The following CLCA2 variants were observed in gnomAD, a reference collection of about 807,000 sequenced individuals.
The protein encoded by CLCA2 is calcium-activated chloride channel regulator 2.
Under a neutral mutation model 82.9 loss-of-function variants are expected in CLCA2, and 85 were observed. That is an observed-to-expected ratio of 1.03 (90% CI 0.86 to 1.23). CLCA2 has a LOEUF of 1.23. Among genes scored for constraint, CLCA2 ranks in the 50% most tolerant of loss-of-function variants. CLCA2 has a pLI of 0.00. For synonymous variants in CLCA2, 421 were observed against 391.7 expected (o/e 1.07, Z -0.88); for missense variants, 1,089 against 1,124.8 (o/e 0.97, Z 0.45).
chr1:86,431,034 A>C, intron 4 of CLCA2, 64 bp downstream of exon 4: 2 of 1,181,484 alleles, frequency 1.7e-6, no homozygotes, highest in Non-Finnish European at 2.4e-6. Flanking sequence ...TTATAACTTA[A>C]GCAATTAAAT....
In CLCA2 at chr1:86,424,194, G is replaced by T. The variant is rs777667896; in HGVS notation, c.-54G>T. On this transcript the variant is annotated 5_prime_UTR_variant, in exon 1 of 14. Coordinates refer to ENST00000370565, the MANE Select transcript of CLCA2 (RefSeq NM_006536.7). ...CCATCTGCATCCATATTGAAAACCT[G>T]ACACAATGTATGCAGCAGGCTCAGT... The T allele has an allele frequency of 2.0e-6, 3 of 1,515,116 alleles. No homozygotes were observed. Among genetic ancestry groups the T allele is most frequent in the Non-Finnish European group, 2.7e-6 (3 of 1,121,590 alleles). 93.9% of individuals were successfully genotyped at this position (1,515,116 alleles called of 1,614,324 possible). A position where few individuals can be genotyped will look rare whatever the true frequency, so the allele number is the denominator to read the frequency against.
rs762464090 is a variant in CLCA2, at chr1:86,450,637, T to C, written c.2059T>C (p.Leu687=). The part of the protein sequence containing the change: ...FSFAANGRYS[L]KVHVNHSPSI... ...CTTTGCTGCAAATGGTAGATATAGC[T>C]TGAAAGTGCATGTCAATCACTCTCC... The change falls in exon 12 of 14, where the codon TTG becomes CTG. Residue 687 remains leucine (L), a synonymous_variant. Coordinates refer to ENST00000370565, the MANE Select transcript of CLCA2 (RefSeq NM_006536.7). The C allele has an allele frequency of 3.1e-6, 5 of 1,613,476 alleles. No homozygotes were observed. The highest frequency in any genetic ancestry group is 4.2e-6 in the Non-Finnish European group (5 of 1,179,680).
intron 1 of CLCA2, among the ~76,000 whole-genome samples, chr1:86,425,023 G>A (rs1241403812): frequency 6.6e-6 from 1 of 152,170 alleles, no homozygotes; most frequent in African/African-American, 2.4e-5. Context: ...ATCATAAGGT[G>A]TGGTCTTGAA....
chr1:86,428,608 T>A, intron 3 of CLCA2, 40 bp downstream of exon 3: 1 of 1,595,764 alleles, frequency 6.3e-7, no homozygotes, highest in Non-Finnish European at 8.5e-7. Flanking sequence ...TGGACAATAC[T>A]ACTTATAATA....
In CLCA2 at chr1:86,453,345, CT is replaced by C. The variant is rs527665018; in HGVS notation, c.2156-15del. The C allele has an allele frequency of 1.8e-4, 278 of 1,542,160 alleles. 1 individual carries two copies. In the African/African-American group the frequency reaches 2.8e-3, roughly 16 times the overall value. On this transcript the variant is annotated intron_variant, in intron 12 of 13. Transcript: ENST00000370565. Reference sequence around the variant, plus strand: ...GAAGCTTTGTAATTTGTCATTTTGCCTTTTTTTTTCTTTTTTGTCTCAGGTA... The same window carrying C: ...GAAGCTTTGTAATTTGTCATTTTGCCTTTTTTTTCTTTTTTGTCTCAGGTA...
At position 86,430,065 on chromosome 1, in the gene CLCA2, C is replaced by T. The variant is rs146017932; in HGVS notation, c.476-797C>T. 1.2e-4 allele frequency among the ~76,000 whole-genome samples: 19 copies of T among 152,162 alleles called. 1 individual carries two copies. In the East Asian group the frequency reaches 3.7e-3, roughly 29 times the overall value. ...CAATATGCCACAGCCTGAGTCAACT[C>T]AGCACACACTTCCTGAGTTCCCGGA... On this transcript the variant is annotated intron_variant, in intron 3 of 13. Coordinates refer to ENST00000370565, the MANE Select transcript of CLCA2 (RefSeq NM_006536.7).
intron 1 of CLCA2, 126 bp downstream of exon 1, chr1:86,424,559 G>A: frequency 1.4e-6 from 1 of 724,030 alleles, no homozygotes; most frequent in Non-Finnish European, 2.1e-6. Flanking sequence ...TTAAAAGATA[G>A]CGCCACAACG....
chr1:86,454,518 G>T (rs925082347), intron 13 of CLCA2, among the ~76,000 whole-genome samples: 1 of 152,156 alleles, frequency 6.6e-6, no homozygotes, highest in Non-Finnish European at 1.5e-5. Context: ...CAGACCAGGC[G>T]CAGTGGCTCA....
intron 10 of CLCA2, among the ~76,000 whole-genome samples, chr1:86,446,437 G>T (rs1662855856): frequency 6.6e-6 from 1 of 151,938 alleles, no homozygotes; most frequent in Non-Finnish European, 1.5e-5. Flanking sequence ...TGCTCCCCTT[G>T]CCTGACCTCT....
At chr1:86,425,802 C>A (rs917325681) in intron 2 of CLCA2, among the ~76,000 whole-genome samples, 3 of 152,176 alleles carry the variant, frequency 2.0e-5, no homozygotes, top group Non-Finnish European at 4.4e-5. Flanking sequence ...GCAAAGGGAA[C>A]AGTTCCAATT....
At chr1:86,438,733 T>C (rs1662662089) in intron 6 of CLCA2, 143 bp from the exon 7 acceptor site, 2 of 668,716 alleles carry the variant, frequency 3.0e-6, no homozygotes, top group Admixed American at 5.6e-5. Context: ...TATTCTAATA[T>C]TATGTTACTC....
At position 86,455,440 on chromosome 1, in the gene CLCA2, C is replaced by T. The variant is rs867532253; in HGVS notation, c.2745C>T (p.Ile915=). 1 of 1,592,400 alleles carries T rather than the reference C, an allele frequency of 6.3e-7. No homozygotes were observed. Among genetic ancestry groups the T allele is most frequent in the Middle Eastern group, 1.7e-4 (1 of 5,960 alleles). ...TAACAGCAATGGGTTTGATAGGAAT[C>T]ATTTGCCTTATTATAGTTGTGACAC... ...GVLTAMGLIG[I]ICLIIVVTHH... The change falls in exon 14 of 14, where the codon ATC becomes ATT. Residue 915 remains isoleucine (I), a synonymous_variant. Transcript: ENST00000370565.
chr1:86,452,487 A>G (rs934391786), intron 12 of CLCA2, among the ~76,000 whole-genome samples: 4 of 152,146 alleles, frequency 2.6e-5, no homozygotes, highest in Admixed American at 2.0e-4. Flanking sequence ...ATGTAACATT[A>G]AAATCTAAAA....
In CLCA2 at chr1:86,447,716, C is replaced by G. The variant is rs754176276; in HGVS notation, c.1922C>G (p.Thr641Ser). ...TATCCCATTCTTAATGCCACTGTCACTGCCACAGTTGAGCCAGAGACTGGA... is the reference window on the plus strand; with the variant it reads ...TATCCCATTCTTAATGCCACTGTCAGTGCCACAGTTGAGCCAGAGACTGGA... ...GFYPILNATVTATVEPETGDP... is the reference protein window; with the variant it reads ...GFYPILNATVSATVEPETGDP... The change falls in exon 11 of 14, where the codon ACT (threonine) becomes AGT (serine). Residue 641 changes from threonine (T) to serine (S), a missense_variant. Thr to Ser is a moderately conservative substitution (Grantham distance 58). Transcript: ENST00000370565. The G allele has an allele frequency of 6.2e-7, 1 of 1,614,110 alleles. No homozygotes were observed. Among genetic ancestry groups the G allele is most frequent in the Admixed American group, 1.7e-5 (1 of 60,004 alleles).
intron 2 of CLCA2, among the ~76,000 whole-genome samples, chr1:86,426,079 C>G (rs1662380436): frequency 6.6e-6 from 1 of 152,006 alleles, no homozygotes; most frequent in Non-Finnish European, 1.5e-5. Flanking sequence ...TTGAAAGGCT[C>G]TCATAAGTTG....
intron 11 of CLCA2, 87 bp from the exon 12 acceptor site, chr1:86,450,476 A>C (rs1437169180): frequency 3.0e-6 from 3 of 1,008,596 alleles, no homozygotes; most frequent in Non-Finnish European, 4.3e-6. Flanking sequence ...AGAAAGAATA[A>C]GGGGAGTAAA....
chr1:86,450,575 T>TA lies in CLCA2; in HGVS notation c.2003dup (p.Asn668LysfsTer2). 1.2e-6 allele frequency: 2 copies of TA among 1,612,578 alleles called. No individual in the cohort carries two copies. The highest frequency in any genetic ancestry group is 1.1e-5 in the South Asian group (1 of 90,786). On this transcript the variant is annotated frameshift_variant, in exon 12 of 14. Coordinates refer to ENST00000370565, the MANE Select transcript of CLCA2 (RefSeq NM_006536.7). LOFTEE classifies it high-confidence loss of function. ...TTTATATATACAGGTGCTGATGTTA[T>TA]AAAAAATGATGGAATTTACTCGAGG...
intron 5 of CLCA2, among the ~76,000 whole-genome samples, chr1:86,433,656 T>C (rs1316825310): frequency 6.6e-6 from 1 of 152,198 alleles, no homozygotes; most frequent in Non-Finnish European, 1.5e-5. Flanking sequence ...GAAAAAGAGT[T>C]AAACAACGCA....
chr1:86,454,156 A>T (rs1663027305), intron 13 of CLCA2, among the ~76,000 whole-genome samples: 1 of 152,110 alleles, frequency 6.6e-6, no homozygotes, highest in Non-Finnish European at 1.5e-5. Flanking sequence ...GTTAACTTTG[A>T]GGTTTCTGCC....
Sources: allele counts gnomAD v4.1 joint callset (sites outside exome capture counted in the v4.1 genomes callset), GRCh38; gene constraint gnomAD v4.1.1; transcripts MANE v1.5; gene names NCBI Gene and HGNC (gene_info 2026-07-23, HGNC 2026-07-21).